Variants in GALNT13 observed in about 807,000 individuals in gnomAD.
GALNT13 encodes the protein polypeptide N-acetylgalactosaminyltransferase 13.
GALNT13 carries 28 observed loss-of-function variants against 64.2 expected under a neutral mutation model. The observed-to-expected ratio is 0.44, with a 90% CI of 0.32 to 0.60. The LOEUF (loss-of-function observed/expected upper bound fraction) is 0.60. GALNT13 is among the 20% of genes least tolerant of loss of function. GALNT13 has a pLI of 0.05. For synonymous variants in GALNT13, 214 were observed against 224.6 expected, an observed-to-expected ratio of 0.95 and a Z score of 0.42; for missense variants, 577 against 669.8, an observed-to-expected ratio of 0.86 and a Z score of 1.53.
the GALNT13 span, among the ~76,000 whole-genome samples, chr2:153,122,306 C>G: frequency 6.6e-6 from 1 of 151,996 alleles, no homozygotes. Flanking sequence ...AATTATTGGA[C>G]TAAATGGCAT....
chr2:153,534,518 C>CTTTTTTT, the GALNT13 span, among the ~76,000 whole-genome samples: 264 of 123,562 alleles, frequency 2.1e-3, 7 homozygotes, highest in African/African-American at 3.1e-3. Context: ...GCCCCTCTTT[C>CTTTTTTT]TTTCTTTCTT....
At chr2:153,175,280 A>G in the GALNT13 span, among the ~76,000 whole-genome samples, 3 of 152,126 alleles carry the variant, frequency 2.0e-5, no homozygotes, top group Non-Finnish European at 4.4e-5. Context: ...TGTAGGGGAG[A>G]TTAAAACAAA....
At chr2:153,945,050 A>G (rs994889487) in intron 3 of GALNT13, among the ~76,000 whole-genome samples, 1 of 152,220 alleles carries the variant, frequency 6.6e-6, no homozygotes, top group Non-Finnish European at 1.5e-5. Context: ...CGAACTGTGC[A>G]TGAATGACAC....
chr2:153,118,550 G>A, the GALNT13 span, among the ~76,000 whole-genome samples: 81 of 152,112 alleles, frequency 5.3e-4, no homozygotes, highest in African/African-American at 1.9e-3. Flanking sequence ...TTTTTTACTA[G>A]GCTGTGGATA....
the GALNT13 span, among the ~76,000 whole-genome samples, chr2:153,398,619 C>T: frequency 1.3e-5 from 2 of 152,222 alleles, no homozygotes; most frequent in Non-Finnish European, 2.9e-5. Context: ...GCCATTCTAA[C>T]TGGTGTGAGA....
At chr2:154,400,171 C>G (rs575036385) in intron 10 of GALNT13, among the ~76,000 whole-genome samples, 2 of 152,180 alleles carry the variant, frequency 1.3e-5, no homozygotes, top group South Asian at 2.1e-4. Context: ...AAAGCTTTTT[C>G]CTTCTTACTG....
the GALNT13 span, among the ~76,000 whole-genome samples, chr2:153,071,788 T>C: frequency 2.0e-5 from 3 of 152,252 alleles, no homozygotes; most frequent in East Asian, 5.8e-4. Flanking sequence ...CTATAGCCTA[T>C]CACCTTCTTT....
intron 12 of GALNT13, among the ~76,000 whole-genome samples, chr2:154,440,455 GAAAA>G (rs34130337): frequency 3.4e-5 from 5 of 146,602 alleles, no homozygotes; most frequent in Admixed American, 3.4e-4. Flanking sequence ...AGTAAAAAGT[GAAAA>G]AAAAAATAGG....
intron 3 of GALNT13, among the ~76,000 whole-genome samples, chr2:154,008,647 A>T (rs1034134563): frequency 6.6e-6 from 1 of 151,962 alleles, no homozygotes; most frequent in East Asian, 1.9e-4. Context: ...ATATGTACTT[A>T]ATGTTTATCT....
intron 9 of GALNT13, among the ~76,000 whole-genome samples, chr2:154,363,922 G>C (rs1205203594): frequency 6.6e-6 from 1 of 152,124 alleles, no homozygotes; most frequent in Non-Finnish European, 1.5e-5. Flanking sequence ...AAACTATCTA[G>C]GGGGTCTAAA....
intron 8 of GALNT13, among the ~76,000 whole-genome samples, chr2:154,262,863 C>T (rs1205827819): frequency 1.3e-5 from 2 of 151,902 alleles, no homozygotes; most frequent in Non-Finnish European, 2.9e-5. Context: ...AATTGATACC[C>T]AAATAAAATA....
chr2:153,198,232 C>T, the GALNT13 span, among the ~76,000 whole-genome samples: 1 of 152,250 alleles, frequency 6.6e-6, no homozygotes, highest in East Asian at 1.9e-4. Context: ...GTGTGGGACC[C>T]AGCATGAGTT....
At chr2:153,370,382 G>A in the GALNT13 span, among the ~76,000 whole-genome samples, 33 of 151,838 alleles carry the variant, frequency 2.2e-4, no homozygotes, top group African/African-American at 5.8e-4. Context: ...ATTACAAACC[G>A]GTGTCCCTCA....
At chr2:153,093,235 TCTTTTC>T in the GALNT13 span, among the ~76,000 whole-genome samples, 1 of 102,858 alleles carries the variant, frequency 9.7e-6, no homozygotes. Context: ...TTTTTTCTTT[TCTTTTC>T]TTTTTTTTTT....
rs2105446241 is a variant in GALNT13 at position 154,430,223 on chromosome 2, A to G, written c.1396-8369A>G. 1.3e-5 allele frequency among the ~76,000 whole-genome samples: 2 copies of G among 152,332 alleles called. 1 individual carries two copies. Among genetic ancestry groups the G allele is most frequent in the South Asian group, 4.1e-4 (2 of 4,822 alleles). Reference sequence around the variant, plus strand: ...CCTGTAATAGATCTGGGCAAAGTAAATTGAAAACTTTATGGAAAGTATTCA... The same window carrying G: ...CCTGTAATAGATCTGGGCAAAGTAAGTTGAAAACTTTATGGAAAGTATTCA... On this transcript the variant is annotated intron_variant, in intron 11 of 12. Transcript: ENST00000392825.
At chr2:154,268,925 T>C (rs1458762836) in intron 8 of GALNT13, among the ~76,000 whole-genome samples, 3 of 152,138 alleles carry the variant, frequency 2.0e-5, no homozygotes, top group African/African-American at 7.2e-5. Flanking sequence ...CAGTAACTAA[T>C]ATTTTAATTA....
chr2:153,870,973 G>C (rs1165334169), upstream of GALNT13, among the ~76,000 whole-genome samples: 1 of 151,984 alleles, frequency 6.6e-6, no homozygotes, highest in Non-Finnish European at 1.5e-5. Flanking sequence ...ACTTGAACTC[G>C]GCAATCCCAA....
chr2:153,133,766 C>T, the GALNT13 span, among the ~76,000 whole-genome samples: 1 of 148,890 alleles, frequency 6.7e-6, no homozygotes, highest in African/African-American at 2.5e-5. Flanking sequence ...TCAAGTCTGA[C>T]AAAATGGCCT....
rs190669682 is a variant in GALNT13 at position 154,158,933 on chromosome 2, C to A, written c.311+18428C>A. ...TTTGGCCACATTATATAAAATTACT[C>A]CAACCCGTGACACTTTCTACTCCCT... On this transcript the variant is annotated intron_variant, in intron 4 of 12. Coordinates refer to ENST00000392825, the MANE Select transcript of GALNT13 (RefSeq NM_052917.4). Among the ~76,000 whole-genome samples, 17 of 152,110 alleles carry A rather than the reference C, an allele frequency of 1.1e-4. No homozygotes were observed. The East Asian group carries it at 3.3e-3, about 29-fold the overall frequency.
Sources: allele counts gnomAD v4.1 joint callset (sites outside exome capture counted in the v4.1 genomes callset), GRCh38; gene constraint gnomAD v4.1.1; transcripts MANE v1.5; gene names NCBI Gene and HGNC (gene_info 2026-07-23, HGNC 2026-07-21).